RIMS2: variants seen among roughly 807,000 people sequenced by gnomAD.
RIMS2 encodes the protein regulating synaptic membrane exocytosis protein 2.
Under a neutral mutation model 174.4 loss-of-function variants are expected in RIMS2, and 59 were observed. The observed-to-expected ratio is 0.34, with a 90% CI of 0.27 to 0.42. The LOEUF (loss-of-function observed/expected upper bound fraction) is 0.42. Ranked by LOEUF, RIMS2 falls within the 10% of genes least tolerant of loss-of-function variation. RIMS2 has a pLI of 1.00. For missense variants in RIMS2, 1,620 were observed against 1,666.3 expected (o/e 0.97, Z 0.48); for synonymous variants, 606 against 572.5 (o/e 1.06, Z -0.84).
chr8:104,023,710 T>C (rs1287142847), intron 19 of RIMS2, among the ~76,000 whole-genome samples: 2 of 152,244 alleles, frequency 1.3e-5, no homozygotes, highest in Admixed American at 6.5e-5. Context: ...ATTAGAGGTG[T>C]GGACTGTAGC....
At chr8:103,622,640 A>G (rs775556677) in intron 1 of RIMS2, among the ~76,000 whole-genome samples, 29 of 152,214 alleles carry the variant, frequency 1.9e-4, no homozygotes, top group Admixed American at 4.6e-4. Flanking sequence ...AAAGTCCTCA[A>G]GAAAAGGGAT....
Position 103,867,390 on chromosome 8 carries a change from GA to G in RIMS2, c.699-17903del, listed in dbSNP as rs577557625. 6.0e-3 allele frequency among the ~76,000 whole-genome samples: 913 copies of G among 151,608 alleles called. 14 individuals are homozygous for G. The highest frequency in any genetic ancestry group is 7.4e-3 in the Non-Finnish European group (500 of 67,686). Reference sequence around the variant, plus strand: ...ATTCTCATTATGATACAAATATTTTGAAAAATCTATTCTGAAAACATAAATG... The same window carrying G: ...ATTCTCATTATGATACAAATATTTTGAAAATCTATTCTGAAAACATAAATG... On this transcript the variant is annotated intron_variant, in intron 3 of 23. Transcript: ENST00000504942.
At chr8:104,027,819 A>T (rs2096287131) in intron 19 of RIMS2, among the ~76,000 whole-genome samples, 1 of 152,178 alleles carries the variant, frequency 6.6e-6, no homozygotes, top group African/African-American at 2.4e-5. Context: ...TCACCTGTAT[A>T]AACCACCTAA....
intron 2 of RIMS2, among the ~76,000 whole-genome samples, chr8:103,741,837 G>C (rs1039413879): frequency 6.6e-6 from 1 of 151,994 alleles, no homozygotes; most frequent in African/African-American, 2.4e-5. Context: ...TTCCAAAGCT[G>C]GTCCTGTTGT....
intron 1 of RIMS2, among the ~76,000 whole-genome samples, chr8:103,599,574 G>T (rs1184020487): frequency 6.6e-6 from 1 of 151,394 alleles, no homozygotes; most frequent in Non-Finnish European, 1.5e-5. Context: ...GAGTAGCAGG[G>T]ACTATAGCTG....
intron 1 of RIMS2, chr8:103,559,056 C>CTTTTTGTTTTTTTTTTTTTTT (rs2091095495): frequency 1.0e-5 from 1 of 99,054 alleles, no homozygotes; most frequent in African/African-American, 4.2e-5. Flanking sequence ...TATTTTTTAA[C>CTTTTTGTTTTTTTTTTTTTTT]TTTTTTTTTT....
intron 11 of RIMS2, among the ~76,000 whole-genome samples, chr8:103,930,614 A>G (rs1164774733): frequency 6.6e-6 from 1 of 152,098 alleles, no homozygotes; most frequent in Non-Finnish European, 1.5e-5. Context: ...TCTTATCTCA[A>G]ATAATAAAAT....
intron 1 of RIMS2, among the ~76,000 whole-genome samples, chr8:103,633,728 G>A (rs895316014): frequency 5.3e-5 from 8 of 151,922 alleles, no homozygotes; most frequent in Non-Finnish European, 8.8e-5. Context: ...TGGTCCATTC[G>A]GGGAATCAGT....
At chr8:103,539,037 T>C (rs549307007) in intron 1 of RIMS2, among the ~76,000 whole-genome samples, 14 of 152,250 alleles carry the variant, frequency 9.2e-5, no homozygotes, top group Admixed American at 2.6e-4. Context: ...TCATAAGTTA[T>C]TTTTTAGAAA....
At chr8:103,936,346 CTAT>C (rs1394718932) in intron 12 of RIMS2, among the ~76,000 whole-genome samples, 10 of 151,958 alleles carry the variant, frequency 6.6e-5, no homozygotes, top group Non-Finnish European at 1.0e-4. Context: ...TGAAACATTG[CTAT>C]TATTGTCATA....
intron 19 of RIMS2, among the ~76,000 whole-genome samples, chr8:104,146,594 T>C (rs1401543510): frequency 6.6e-6 from 1 of 152,220 alleles, no homozygotes; most frequent in African/African-American, 2.4e-5. Context: ...AACATAAAAA[T>C]TCAAATGCAA....
At chr8:104,051,647 A>T (rs1453462440) in intron 19 of RIMS2, among the ~76,000 whole-genome samples, 1 of 152,166 alleles carries the variant, frequency 6.6e-6, no homozygotes. Flanking sequence ...AAAGAATGAA[A>T]TAAAATTTGA....
Position 103,759,559 on chromosome 8 carries a change from C to T in RIMS2, c.388-6668C>T, listed in dbSNP as rs1255475726. Among the ~76,000 whole-genome samples, 10 of 111,934 alleles carry T rather than the reference C, an allele frequency of 8.9e-5. No homozygotes were observed. In the South Asian group the frequency reaches 1.1e-3, roughly 13 times the overall value. The allele number at this position is 111,934 out of a possible 152,430, so 73.4% of individuals were successfully genotyped here. On this transcript the variant is annotated intron_variant, in intron 2 of 23. Coordinates refer to ENST00000504942, the Ensembl canonical transcript of RIMS2. Reference sequence around the variant, plus strand: ...CAGCCTGGGCGACAGAGCGAGACTCCGTCTCAAAAAAAAAAAAAAAAAAAA... The same window carrying T: ...CAGCCTGGGCGACAGAGCGAGACTCTGTCTCAAAAAAAAAAAAAAAAAAAA...
chr8:103,749,194 C>T (rs1454711022), intron 2 of RIMS2, among the ~76,000 whole-genome samples: 1 of 151,444 alleles, frequency 6.6e-6, no homozygotes, highest in Non-Finnish European at 1.5e-5. Context: ...TTACTGCAAG[C>T]TCCGCCTCCC....
intron 19 of RIMS2, among the ~76,000 whole-genome samples, chr8:104,192,631 T>C (rs1324200672): frequency 6.6e-6 from 1 of 152,150 alleles, no homozygotes; most frequent in East Asian, 1.9e-4. Context: ...GAATGAAATG[T>C]AAGAACTTGT....
At chr8:104,045,475 A>G (rs1242376320) in intron 19 of RIMS2, among the ~76,000 whole-genome samples, 3 of 151,888 alleles carry the variant, frequency 2.0e-5, no homozygotes, top group African/African-American at 7.2e-5. Context: ...AATACAAAAT[A>G]AATTTTAAAA....
chr8:104,035,075 A>G (rs2096486917), intron 19 of RIMS2, among the ~76,000 whole-genome samples: 1 of 152,264 alleles, frequency 6.6e-6, no homozygotes, highest in Non-Finnish European at 1.5e-5. Context: ...TTGGACTTAT[A>G]TAGTTCAGAA....
chr8:103,939,726 A>G (rs2082101703), intron 13 of RIMS2, among the ~76,000 whole-genome samples: 1 of 152,196 alleles, frequency 6.6e-6, no homozygotes. Context: ...AATGCCTTTA[A>G]CAGAACCCAA....
At chr8:103,743,130 GA>G (rs2097776500) in intron 2 of RIMS2, among the ~76,000 whole-genome samples, 1 of 152,054 alleles carries the variant, frequency 6.6e-6, no homozygotes, top group Admixed American at 6.6e-5. Flanking sequence ...ATGTTCTCTG[GA>G]CACAGAAGAA....
Sources: allele counts gnomAD v4.1 joint callset (sites outside exome capture counted in the v4.1 genomes callset), GRCh38; gene constraint gnomAD v4.1.1; transcripts MANE v1.5; gene names NCBI Gene and HGNC (gene_info 2026-07-23, HGNC 2026-07-21).